The following UFSP2 variants were observed in gnomAD, a reference collection of about 807,000 sequenced individuals.
The protein encoded by UFSP2 is UFM1 specific peptidase 2.
Under a neutral mutation model 60.2 loss-of-function variants are expected in UFSP2, and 43 were observed. The ratio of observed to expected loss-of-function variants is 0.71; its 90% CI spans 0.56 to 0.92. The LOEUF (loss-of-function observed/expected upper bound fraction) is 0.92, where lower values mean the gene tolerates loss of function less well. UFSP2 is among the 40% of genes least tolerant of loss of function. UFSP2 has a pLI of 0.00. For missense variants in UFSP2, 520 were observed against 575.0 expected, an observed-to-expected ratio of 0.90 and a Z score of 0.98; for synonymous variants, 183 against 195.1, an observed-to-expected ratio of 0.94 and a Z score of 0.52.
chr4:185,415,023 A>C lies in UFSP2; in HGVS notation c.684+132T>G, dbSNP rs564874831. On this transcript the variant is annotated intron_variant, in intron 6 of 11. Coordinates refer to ENST00000264689, the MANE Select transcript of UFSP2 (RefSeq NM_018359.5). The stretch of plus-strand genomic sequence containing the variant: ...AGAACAGAAATTAAATAATGTGTAA[A>C]ATGAATAGTCTAAATTCCACACTTT... 7 of 729,778 alleles carry C rather than the reference A, an allele frequency of 9.6e-6. 1 individual carries two copies. The South Asian group carries it at 1.7e-4, about 18-fold the overall frequency. The allele number at this position is 729,778 out of a possible 1,614,324, so 45.2% of individuals were successfully genotyped here. A position where few individuals can be genotyped will look rare whatever the true frequency, so the allele number is the denominator to read the frequency against.
intron 2 of UFSP2, among the ~76,000 whole-genome samples, chr4:185,420,437 TCCTAAG>T (rs923381711): frequency 6.6e-6 from 1 of 152,140 alleles, no homozygotes; most frequent in African/African-American, 2.4e-5. Context: ...CATTCCTAAA[TCCTAAG>T]CCTATTTAAC....
intron 9 of UFSP2, among the ~76,000 whole-genome samples, chr4:185,407,298 C>T (rs375722847): frequency 6.6e-6 from 1 of 152,100 alleles, no homozygotes; most frequent in East Asian, 1.9e-4. Flanking sequence ...AGGGGATCCA[C>T]CCACCTCGGC....
In UFSP2 at chr4:185,410,965, G is replaced by GA. The variant is rs554535820; in HGVS notation, c.832-2531dup. Among the ~76,000 whole-genome samples the GA allele has an allele frequency of 6.5e-5, 9 of 139,128 alleles. No individual in the cohort carries two copies. The South Asian group carries it at 1.8e-3, about 28-fold the overall frequency. 91.3% of individuals were successfully genotyped at this position (139,128 alleles called of 152,430 possible). ...CATCTCAAAAAAAAAAAAAAAGAAA[G>GA]AAAGAAATATTAGCAATAAGCTAAC... is the stretch of plus-strand genomic sequence containing the variant. On this transcript the variant is annotated intron_variant, in intron 7 of 11. Coordinates refer to ENST00000264689, the MANE Select transcript of UFSP2 (RefSeq NM_018359.5).
rs760207498 is a variant in UFSP2 at position 185,415,716 on chromosome 4, C to T, written c.485G>A (p.Trp162Ter). Residue 162 changes from tryptophan to a stop codon, truncating the protein, a stop_gained, in exon 5 of 12, where the codon TGG (tryptophan) becomes TAG (stop). Coordinates refer to ENST00000264689, the MANE Select transcript of UFSP2 (RefSeq NM_018359.5). LOFTEE classifies it high-confidence loss of function. ...GTACTATAAAAATACTTACTTTCCC[C>T]ATGTTTCTTCTGGAGCAACAGATAT... ...AVISVAPEET[W>*]GKVRKLLVDA... The T allele has an allele frequency of 6.2e-7, 1 of 1,606,912 alleles. No individual in the cohort carries two copies. Among genetic ancestry groups the T allele is most frequent in the South Asian group, 1.1e-5 (1 of 89,662 alleles).
chr4:185,419,256 C>T lies in UFSP2; in HGVS notation c.83-486G>A, dbSNP rs528090340. On this transcript the variant is annotated intron_variant, in intron 2 of 11. Transcript: ENST00000264689. ...ACGCCATTCTCCTGCCTCAGCCTCC[C>T]GAGTAGCTGGGACTACAGGTGCCCG... Among the ~76,000 whole-genome samples, 428 of 152,182 alleles carry T rather than the reference C, an allele frequency of 2.8e-3. 2 individuals are homozygous for T. Among genetic ancestry groups the T allele is most frequent in the Middle Eastern group, 0.014 (4 of 294 alleles).
At chr4:185,407,055 T>TG (rs1224056053) in intron 9 of UFSP2, among the ~76,000 whole-genome samples, 2 of 139,350 alleles carry the variant, frequency 1.4e-5, no homozygotes, top group African/African-American at 5.6e-5. Flanking sequence ...TGTATTTTTC[T>TG]GTTTTTTTTT....
intron 4 of UFSP2, 71 bp from the exon 5 acceptor site, chr4:185,415,938 C>A (rs918925038): frequency 3.0e-5 from 39 of 1,299,826 alleles, no homozygotes; most frequent in Admixed American, 1.9e-4. Context: ...AGTAAAAAGA[C>A]TTTTCAAAAA....
chr4:185,411,187 T>G (rs1212197396), intron 7 of UFSP2, among the ~76,000 whole-genome samples: 1 of 151,418 alleles, frequency 6.6e-6, no homozygotes, highest in African/African-American at 2.4e-5. Context: ...ATATTATGAC[T>G]ACAAGATATA....
chr4:185,403,615 C>A lies in UFSP2; in HGVS notation c.1202G>T (p.Gly401Val), dbSNP rs1269840752. The change falls in exon 11 of 12, where the codon GGA (glycine) becomes GTA (valine). Residue 401 changes from glycine (G) to valine (V), a missense_variant. Physicochemically the swap from Gly to Val is moderately radical, Grantham distance 109 (BLOSUM62 -3). Coordinates refer to ENST00000264689, the MANE Select transcript of UFSP2 (RefSeq NM_018359.5). The part of the protein sequence containing the change: ...QSEGTPVMIG[G>V]GVLAHTILGV... ...TAGTATTGTGTGGGCCAAAACTCCT[C>A]CCCCTATAGAAGAAAAAATAGGAAA... 2 of 1,607,856 alleles carry A rather than the reference C, an allele frequency of 1.2e-6. No individual in the cohort carries two copies. The highest frequency in any genetic ancestry group is 2.2e-5 in the South Asian group (2 of 89,728).
intron 7 of UFSP2, among the ~76,000 whole-genome samples, chr4:185,412,031 G>A (rs897661905): frequency 6.6e-6 from 1 of 152,212 alleles, no homozygotes. Flanking sequence ...GTGTCGAGGA[G>A]GCAGAGGAGT....
At chr4:185,414,042 C>T (rs901069980) in intron 6 of UFSP2, among the ~76,000 whole-genome samples, 170 bp from the exon 7 acceptor site, 3 of 151,936 alleles carry the variant, frequency 2.0e-5, no homozygotes, top group Non-Finnish European at 4.4e-5. Context: ...TGAACTAAAA[C>T]CAAGTAAGAT....
intron 10 of UFSP2, among the ~76,000 whole-genome samples, chr4:185,404,529 C>CCTCGTGAT (rs976061896): frequency 1.4e-4 from 21 of 152,094 alleles, no homozygotes; most frequent in Admixed American, 1.3e-3. Context: ...GATCTCCTGA[C>CCTCGTGAT]CTCGTGATCG....
chr4:185,400,542 G>T, intron 11 of UFSP2, 64 bp from the exon 12 acceptor site: 1 of 1,225,858 alleles, frequency 8.2e-7, no homozygotes, highest in Non-Finnish European at 1.2e-6. Context: ...CATGGAAATC[G>T]TGACATCAGG....
chr4:185,400,295 T>C lies in UFSP2; in HGVS notation c.*97A>G. ...TTGAAAAAGGTCATAATTTAAATCGTCAAACTAGAACCAGGATTTAATGTG... is the reference window on the plus strand; with the variant it reads ...TTGAAAAAGGTCATAATTTAAATCGCCAAACTAGAACCAGGATTTAATGTG... On this transcript the variant is annotated 3_prime_UTR_variant, in exon 12 of 12. Coordinates refer to ENST00000264689, the MANE Select transcript of UFSP2 (RefSeq NM_018359.5). 1 of 1,044,340 alleles carries C rather than the reference T, an allele frequency of 9.6e-7. No individual in the cohort carries two copies. 64.7% of individuals were successfully genotyped at this position (1,044,340 alleles called of 1,614,324 possible).
At chr4:185,418,354 G>A (rs2095543022) in intron 4 of UFSP2, 87 bp downstream of exon 4, 2 of 1,013,460 alleles carry the variant, frequency 2.0e-6, no homozygotes, top group Non-Finnish European at 2.9e-6. Context: ...TATGATAAGA[G>A]GGTTAAATTA....
At chr4:185,416,965 T>G (rs1419420788) in intron 4 of UFSP2, among the ~76,000 whole-genome samples, 7 of 152,210 alleles carry the variant, frequency 4.6e-5, no homozygotes, top group Non-Finnish European at 8.8e-5. Flanking sequence ...ATGCTAAAAG[T>G]GGTGGGTCAA....
chr4:185,412,175 TGTAAA>T (rs1305129947), intron 7 of UFSP2, among the ~76,000 whole-genome samples: 3 of 152,218 alleles, frequency 2.0e-5, no homozygotes, highest in Admixed American at 2.0e-4. Context: ...ATGATAAATA[TGTAAA>T]GTATATATTT....
Position 185,403,484 on chromosome 4 carries a change from G to A in UFSP2, c.1323+10C>T, listed in dbSNP as rs753906535. The A allele has an allele frequency of 6.2e-6, 10 of 1,609,556 alleles. No homozygotes were observed. The highest frequency in any genetic ancestry group is 2.2e-5 in the East Asian group (1 of 44,840). On this transcript the variant is annotated intron_variant, in intron 11 of 11. Coordinates refer to ENST00000264689, the MANE Select transcript of UFSP2 (RefSeq NM_018359.5). The stretch of plus-strand genomic sequence containing the variant: ...CCTTTTGTCTCAATTTGTGTTAAAT[G>A]GATACTTACCTTTTCCAAAATAACT...
At chr4:185,418,165 T>C (rs2095542573) in intron 4 of UFSP2, among the ~76,000 whole-genome samples, 1 of 152,232 alleles carries the variant, frequency 6.6e-6, no homozygotes, top group South Asian at 2.1e-4. Flanking sequence ...AGAATGCGAT[T>C]TAATTTAAGT....
Sources: allele counts gnomAD v4.1 joint callset (sites outside exome capture counted in the v4.1 genomes callset), GRCh38; gene constraint gnomAD v4.1.1; transcripts MANE v1.5; gene names NCBI Gene and HGNC (gene_info 2026-07-23, HGNC 2026-07-21).